Variants in SGCZ observed in about 807,000 individuals in gnomAD.
SGCZ encodes sarcoglycan zeta.
Under a neutral mutation model 41.3 loss-of-function variants are expected in SGCZ, and 40 were observed. The observed-to-expected ratio is 0.97, with a 90% CI of 0.75 to 1.26. The LOEUF (loss-of-function observed/expected upper bound fraction) is 1.26, where lower values mean the gene tolerates loss of function less well. Among genes scored for constraint, SGCZ ranks in the 50% most tolerant of loss-of-function variants. SGCZ has a pLI of 0.00. For synonymous variants in SGCZ, 206 were observed against 137.5 expected (o/e 1.50, Z -3.49); for missense variants, 552 against 369.8 (o/e 1.49, Z -4.04).
chr8:14,720,716 T>C (rs1357074003), intron 1 of SGCZ, among the ~76,000 whole-genome samples: 2 of 152,012 alleles, frequency 1.3e-5, no homozygotes, highest in Admixed American at 6.6e-5. Context: ...CTGAGTTGAG[T>C]AGTTGCAACA....
At chr8:14,672,715 T>C (rs1355072329) in intron 1 of SGCZ, among the ~76,000 whole-genome samples, 1 of 152,136 alleles carries the variant, frequency 6.6e-6, no homozygotes, top group Admixed American at 6.5e-5. Context: ...AAATTCTAAA[T>C]TTTTTAGTCA....
intron 2 of SGCZ, among the ~76,000 whole-genome samples, chr8:14,478,713 C>T (rs117616560): frequency 0.013 from 2,026 of 152,268 alleles, 21 homozygotes; most frequent in Non-Finnish European, 0.018. Flanking sequence ...TTGCAAATCT[C>T]GTGTCTTTAT....
chr8:14,620,707 A>G (rs1413648641), intron 1 of SGCZ, among the ~76,000 whole-genome samples: 2 of 152,226 alleles, frequency 1.3e-5, no homozygotes, highest in African/African-American at 2.4e-5. Context: ...ATCACTTGCC[A>G]TCAGAGAAAT....
intron 1 of SGCZ, among the ~76,000 whole-genome samples, chr8:14,831,616 G>GTGTA (rs1342073827): frequency 6.8e-5 from 10 of 146,988 alleles, no homozygotes; most frequent in African/African-American, 2.3e-4. Context: ...GTGTGTGTGT[G>GTGTA]TACACATAGA....
At chr8:14,977,220 G>A (rs1801506916) in intron 1 of SGCZ, among the ~76,000 whole-genome samples, 2 of 152,146 alleles carry the variant, frequency 1.3e-5, no homozygotes, top group Non-Finnish European at 2.9e-5. Context: ...TCTTCACAGT[G>A]AAGCCTCCAC....
At chr8:14,096,910 C>T (rs752668671) in intron 7 of SGCZ, among the ~76,000 whole-genome samples, 3 of 151,994 alleles carry the variant, frequency 2.0e-5, no homozygotes, top group Non-Finnish European at 2.9e-5. Context: ...TTATATTATT[C>T]TCTAGTAGTT....
intron 1 of SGCZ, among the ~76,000 whole-genome samples, chr8:15,074,453 ACC>A (rs1805460716): frequency 6.6e-6 from 1 of 152,088 alleles, no homozygotes; most frequent in Non-Finnish European, 1.5e-5. Flanking sequence ...TCTTGCCTCC[ACC>A]CCATTAGTTT....
At chr8:14,666,425 TG>T (rs1301119276) in intron 1 of SGCZ, among the ~76,000 whole-genome samples, 1 of 152,188 alleles carries the variant, frequency 6.6e-6, no homozygotes, top group Admixed American at 6.5e-5. Flanking sequence ...GGTGACCAGA[TG>T]CAGTGAATCA....
chr8:14,214,584 T>C (rs1381510898), intron 4 of SGCZ, among the ~76,000 whole-genome samples: 1 of 152,072 alleles, frequency 6.6e-6, no homozygotes, highest in Non-Finnish European at 1.5e-5. Context: ...TAAATAGAGG[T>C]TAACAGAATG....
At chr8:14,400,933 T>C (rs1171680787) in intron 2 of SGCZ, among the ~76,000 whole-genome samples, 1 of 152,176 alleles carries the variant, frequency 6.6e-6, no homozygotes, top group Non-Finnish European at 1.5e-5. Context: ...TTCTGTCTTG[T>C]TTTGTTAAAT....
At chr8:14,286,572 T>C (rs1339344791) in intron 3 of SGCZ, among the ~76,000 whole-genome samples, 1 of 152,134 alleles carries the variant, frequency 6.6e-6, no homozygotes, top group Non-Finnish European at 1.5e-5. Flanking sequence ...CCAGATATTA[T>C]GGAATTTCTT....
chr8:14,702,813 G>GTAGATAGA (rs71209077), intron 1 of SGCZ, among the ~76,000 whole-genome samples: 36 of 115,384 alleles, frequency 3.1e-4, no homozygotes, highest in East Asian at 1.3e-3. Context: ...AGGTAGTTAG[G>GTAGATAGA]TAGATAGATA....
intron 1 of SGCZ, among the ~76,000 whole-genome samples, chr8:14,674,720 C>T (rs1471252235): frequency 6.6e-6 from 1 of 151,742 alleles, no homozygotes; most frequent in East Asian, 1.9e-4. Context: ...TTGTATTGTC[C>T]TTGAAATAGT....
chr8:14,238,462 C>G (rs1806847468), intron 3 of SGCZ, among the ~76,000 whole-genome samples: 1 of 152,172 alleles, frequency 6.6e-6, no homozygotes, highest in Non-Finnish European at 1.5e-5. Flanking sequence ...TATACAATAT[C>G]TGATTTTTGT....
At chr8:15,170,904 C>T (rs73205491) in intron 1 of SGCZ, among the ~76,000 whole-genome samples, 1 of 152,180 alleles carries the variant, frequency 6.6e-6, no homozygotes, top group Non-Finnish European at 1.5e-5. Flanking sequence ...GTTGTGTAAT[C>T]CAGTGAAATG....
intron 1 of SGCZ, among the ~76,000 whole-genome samples, chr8:14,757,453 C>T (rs1363212676): frequency 6.6e-6 from 1 of 152,174 alleles, no homozygotes; most frequent in Non-Finnish European, 1.5e-5. Context: ...ACTGATAGAA[C>T]CACTACCGAT....
chr8:14,799,102 T>C (rs936148176), intron 1 of SGCZ, among the ~76,000 whole-genome samples: 24 of 151,972 alleles, frequency 1.6e-4, no homozygotes, highest in Non-Finnish European at 2.9e-5. Flanking sequence ...ATTTTTTAAC[T>C]GTACTTTCAG....
At chr8:14,383,413 T>A (rs1232597023) in intron 2 of SGCZ, among the ~76,000 whole-genome samples, 5 of 152,188 alleles carry the variant, frequency 3.3e-5, no homozygotes, top group African/African-American at 1.2e-4. Context: ...ATGTCCCAAT[T>A]TGCCCTGTAT....
Position 14,237,836 on chromosome 8 carries a change from C to T in SGCZ, c.337-157G>A, listed in dbSNP as rs553414576. Among the ~76,000 whole-genome samples the T allele has an allele frequency of 8.2e-4, 125 of 152,298 alleles. 1 individual carries two copies. The highest frequency in any genetic ancestry group is 2.9e-3 in the African/African-American group (122 of 41,570). On this transcript the variant is annotated intron_variant, in intron 3 of 7. Transcript: ENST00000382080. ...GTCCCAATCATTGGTGGACAATGTA[C>T]AAAACTGAGAGCCTCATAATAATTA...
Sources: gnomAD v4.1 joint callset for allele counts (sites outside exome capture counted in the v4.1 genomes callset) on GRCh38, gnomAD v4.1.1 for gene constraint, MANE v1.5 for transcripts, NCBI Gene and HGNC (gene_info 2026-07-23, HGNC 2026-07-21) for gene names.